Variants in GALNT15 observed in about 807,000 individuals in gnomAD.
GALNT15 encodes the protein polypeptide N-acetylgalactosaminyltransferase 15, also known as UDP-GalNAc transferase T15.
A neutral mutation model predicts 66.8 loss-of-function variants in GALNT15; 67 were observed. The observed-to-expected ratio is 1.00, with a 90% CI of 0.82 to 1.23. The LOEUF (loss-of-function observed/expected upper bound fraction) is 1.23, where lower values mean the gene tolerates loss of function less well. Ranked by LOEUF, GALNT15 falls within the 50% of genes most tolerant of loss-of-function variation. The probability of loss-of-function intolerance (pLI) is 0.00; values close to 1 mark genes in which losing one functional copy is unlikely to be tolerated. For synonymous variants in GALNT15, 313 were observed against 311.5 expected (o/e 1.00, Z -0.05); for missense variants, 827 against 804.3 (o/e 1.03, Z -0.34).
chr3:16,232,501 TATATATA>T (rs1559698392), downstream of GALNT15, among the ~76,000 whole-genome samples: 36 of 89,114 alleles, frequency 4.0e-4, 2 homozygotes, highest in African/African-American at 1.5e-3. Flanking sequence ...TATATATATA[TATATATA>T]TATTTATTTA....
At position 16,205,662 on chromosome 3, in the gene GALNT15, G is replaced by T. The variant is rs376805127; in HGVS notation, c.912-2841G>T. On this transcript the variant is annotated intron_variant, in intron 3 of 9. Coordinates refer to ENST00000339732, the MANE Select transcript of GALNT15 (RefSeq NM_054110.5). ...CCAAGAACACCAGACACATCGGTAG[G>T]TACAAAACCACAAAGCTAAATAGAA... is the stretch of plus-strand genomic sequence containing the variant. Among the ~76,000 whole-genome samples the T allele has an allele frequency of 8.5e-5, 13 of 152,304 alleles. No homozygotes were observed. The South Asian group carries it at 2.5e-3, about 29-fold the overall frequency.
intron 6 of GALNT15, among the ~76,000 whole-genome samples, chr3:16,218,150 T>C (rs1284017973): frequency 2.6e-5 from 4 of 152,182 alleles, no homozygotes; most frequent in African/African-American, 9.7e-5. Context: ...GAATCACACT[T>C]TGAGAAGTGT....
chr3:16,201,836 T>G (rs2124871940), intron 3 of GALNT15, among the ~76,000 whole-genome samples: 1 of 152,320 alleles, frequency 6.6e-6, no homozygotes, highest in African/African-American at 2.4e-5. Context: ...TTACCCTCAA[T>G]CTGAATATCC....
intron 6 of GALNT15, among the ~76,000 whole-genome samples, chr3:16,215,659 C>T (rs2063863043): frequency 6.6e-6 from 1 of 152,040 alleles, no homozygotes; most frequent in Non-Finnish European, 1.5e-5. Context: ...TGCCTGTAAT[C>T]CCAGCACTTT....
At chr3:16,192,060 G>C (rs1039925735) in intron 1 of GALNT15, among the ~76,000 whole-genome samples, 1 of 152,164 alleles carries the variant, frequency 6.6e-6, no homozygotes, top group Non-Finnish European at 1.5e-5. Flanking sequence ...TTCCAAATGA[G>C]GAAACTGATA....
At chr3:16,243,979 G>A in the GALNT15 span, 15 of 984,802 alleles carry the variant, frequency 1.5e-5, no homozygotes, top group South Asian at 4.2e-4. Flanking sequence ...TCAGACCTGG[G>A]GGTTGATGAC....
rs369808084 is a variant in GALNT15 at position 16,175,681 on chromosome 3, G to A, written c.530G>A (p.Arg177Gln). 1.4e-4 allele frequency: 225 copies of A among 1,583,530 alleles called. No homozygotes were observed. Among genetic ancestry groups the A allele is most frequent in the Non-Finnish European group, 1.9e-4 (216 of 1,164,430 alleles). ...IPLQRALPEV[R>Q]HPLCLQQHPQ... ...CTCCAGAGGGCTCTGCCCGAGGTGC[G>A]GCACCCACTGTAAGTAAGGCCCTTG... The change falls in exon 1 of 10, where the codon CGG becomes CAG. Residue 177 changes from arginine (R) to glutamine (Q), a missense_variant. Physicochemically the swap from Arg to Gln is conservative, Grantham distance 43 (BLOSUM62 1). Coordinates refer to ENST00000339732, the MANE Select transcript of GALNT15 (RefSeq NM_054110.5). This position sits in a 1 kb window ranked among gnomAD's most constrained non-coding sequence, Gnocchi z 5.6.
rs1314826257 is a variant in GALNT15, at chr3:16,187,222, C to T, written c.540-8538C>T. On this transcript the variant is annotated intron_variant, in intron 1 of 9. Transcript: ENST00000339732. The surrounding 1 kb of genome is among the most constrained non-coding windows in gnomAD (Gnocchi z 5.1). ...GAGGTTGCAGTGAGCTAAGATAATG[C>T]CACTGCACTCCAGCCTGGGTGACAG... 6.6e-6 allele frequency among the ~76,000 whole-genome samples: 1 copy of T among 152,050 alleles called. No homozygotes were observed. The highest frequency in any genetic ancestry group is 2.4e-5 in the African/African-American group (1 of 41,390).
At chr3:16,201,456 C>T (rs1031753362) in intron 3 of GALNT15, among the ~76,000 whole-genome samples, 1 of 152,182 alleles carries the variant, frequency 6.6e-6, no homozygotes, top group African/African-American at 2.4e-5. Flanking sequence ...GCTGGGATTA[C>T]AGGCGTGAGC....
intron 9 of GALNT15, among the ~76,000 whole-genome samples, chr3:16,226,827 G>T (rs919913667): frequency 6.6e-6 from 1 of 152,180 alleles, no homozygotes; most frequent in Non-Finnish European, 1.5e-5. Context: ...TCTTGAAAAG[G>T]AGAAGATTGG....
intron 3 of GALNT15, among the ~76,000 whole-genome samples, chr3:16,202,751 C>T (rs1251831321): frequency 1.3e-5 from 2 of 152,250 alleles, no homozygotes; most frequent in African/African-American, 4.8e-5. Flanking sequence ...TGAAGTTGAT[C>T]TTGCCCATTT....
Position 16,195,662 on chromosome 3 carries a change from G to T in GALNT15, c.540-98G>T. The stretch of plus-strand genomic sequence containing the variant: ...ATCCCATAGGACAGCCATATAATGG[G>T]GGCAGCTCCAGCCAGAGCAAAGGAA... On this transcript the variant is annotated intron_variant, in intron 1 of 9. Transcript: ENST00000339732. The surrounding 1 kb of genome is among the most constrained non-coding windows in gnomAD (Gnocchi z 4.6). 9.4e-7 allele frequency: 1 copy of T among 1,063,330 alleles called. No homozygotes were observed. 65.9% of individuals were successfully genotyped at this position (1,063,330 alleles called of 1,614,324 possible). A position where few individuals can be genotyped will look rare whatever the true frequency, so the allele number is the denominator to read the frequency against.
downstream of GALNT15, among the ~76,000 whole-genome samples, chr3:16,233,092 A>ATCTTTTTT (rs2064099598): frequency 2.1e-5 from 1 of 48,074 alleles, no homozygotes; most frequent in Non-Finnish European, 4.2e-5. Flanking sequence ...AGGATAATGC[A>ATCTTTTTT]TCTTTTTTTT....
At chr3:16,217,932 C>T (rs1177700580) in intron 6 of GALNT15, among the ~76,000 whole-genome samples, 8 of 152,170 alleles carry the variant, frequency 5.3e-5, no homozygotes, top group Non-Finnish European at 8.8e-5. Flanking sequence ...CCCTTGGTTT[C>T]ATGGTGGGTA....
chr3:16,247,434 G>A, the GALNT15 span, among the ~76,000 whole-genome samples: 5 of 152,246 alleles, frequency 3.3e-5, no homozygotes, highest in Admixed American at 6.5e-5. Context: ...AGATCATGAT[G>A]CCTTTGCCGT....
At chr3:16,192,729 G>A (rs948465827) in intron 1 of GALNT15, among the ~76,000 whole-genome samples, 5 of 152,182 alleles carry the variant, frequency 3.3e-5, no homozygotes, top group South Asian at 2.1e-4. Flanking sequence ...TGCTGGGGAC[G>A]CAGTCATCTC....
intron 1 of GALNT15, among the ~76,000 whole-genome samples, chr3:16,177,612 C>T (rs551270503): frequency 4.5e-4 from 69 of 152,252 alleles, no homozygotes; most frequent in Non-Finnish European, 7.5e-4. Flanking sequence ...ATCTTGTGTG[C>T]ATGTGTGTTA....
At chr3:16,236,132 G>T (rs1191038930), downstream of GALNT15, among the ~76,000 whole-genome samples, 2 of 25,686 alleles carry the variant, frequency 7.8e-5, no homozygotes, top group Non-Finnish European at 1.1e-4. Flanking sequence ...AAAAAAAAAA[G>T]GACTGGGCAT....
At chr3:16,197,908 A>ACAGGCTGCACTGCGG (rs1272139980) in intron 2 of GALNT15, among the ~76,000 whole-genome samples, 7 of 144,494 alleles carry the variant, frequency 4.8e-5, no homozygotes, top group East Asian at 2.1e-4. Flanking sequence ...GCAGTCTGGA[A>ACAGGCTGCACTGCGG]GTTCTTCCTT....
Sources: gnomAD v4.1 joint callset for allele counts (sites outside exome capture counted in the v4.1 genomes callset) on GRCh38, gnomAD v4.1.1 for gene constraint, Gnocchi (gnomAD v3.1) non-coding constraint, MANE v1.5 for transcripts, NCBI Gene and HGNC (gene_info 2026-07-23, HGNC 2026-07-21) for gene names.